The following PPARD variants were observed in gnomAD, a reference collection of about 807,000 sequenced individuals.
The protein encoded by PPARD is peroxisome proliferator-activated receptor delta.
Under a neutral mutation model 39.5 loss-of-function variants are expected in PPARD, and 6 were observed. That is an observed-to-expected ratio of 0.15 (90% CI 0.08 to 0.30). The LOEUF (loss-of-function observed/expected upper bound fraction) is 0.30, where lower values mean the gene tolerates loss of function less well. Among genes scored for constraint, PPARD ranks in the 10% least tolerant of loss-of-function variants. The probability of loss-of-function intolerance (pLI) is 1.00; values close to 1 mark genes in which losing one functional copy is unlikely to be tolerated. For missense variants in PPARD, 397 were observed against 596.8 expected, an observed-to-expected ratio of 0.67 and a Z score of 3.49; for synonymous variants, 210 against 231.3, an observed-to-expected ratio of 0.91 and a Z score of 0.83.
rs566620306 is a variant in PPARD at position 35,401,686 on chromosome 6, C to T, written c.-101-9301C>T. Among the ~76,000 whole-genome samples, 1 of 152,340 alleles carries T rather than the reference C, an allele frequency of 6.6e-6. No homozygotes were observed. The highest frequency in any genetic ancestry group is 2.1e-4 in the South Asian group (1 of 4,832). On this transcript the variant is annotated intron_variant, in intron 2 of 7. Coordinates refer to ENST00000360694, the MANE Select transcript of PPARD (RefSeq NM_006238.5). The surrounding 1 kb of genome is among the most constrained non-coding windows in gnomAD (Gnocchi z 4.1). ...CTCAGGAAAGCGTCTCCTGGCCACT[C>T]GCACCTGACTCATGTGCTCTGAGTG...
At chr6:35,389,256 G>A (rs2150657552) in intron 2 of PPARD, among the ~76,000 whole-genome samples, 1 of 152,260 alleles carries the variant, frequency 6.6e-6, no homozygotes, top group East Asian at 1.9e-4. Context: ...GTAGGGTGCT[G>A]GAAATGTTTA....
intron 2 of PPARD, among the ~76,000 whole-genome samples, chr6:35,408,338 G>T (rs528076181): frequency 6.6e-6 from 1 of 152,196 alleles, no homozygotes; most frequent in Non-Finnish European, 1.5e-5. Flanking sequence ...GAGTGTTTAG[G>T]TAGGCACAGA....
chr6:35,401,714 A>G lies in PPARD; in HGVS notation c.-101-9273A>G, dbSNP rs2267665. On this transcript the variant is annotated intron_variant, in intron 2 of 7. Coordinates refer to ENST00000360694, the MANE Select transcript of PPARD (RefSeq NM_006238.5). The surrounding 1 kb of genome is among the most constrained non-coding windows in gnomAD (Gnocchi z 4.1). ...ACCTGACTCATGTGCTCTGAGTGCC[A>G]CACCTTGCTTGGCATTTGTCCTTCA... 0.85 allele frequency among the ~76,000 whole-genome samples: 129,609 copies of G among 152,228 alleles called. 55,320 individuals are homozygous for G. Among genetic ancestry groups the G allele is most frequent in the African/African-American group, 0.89 (37,052 of 41,542 alleles).
chr6:35,384,801 C>A (rs1206711606), intron 2 of PPARD, among the ~76,000 whole-genome samples: 2 of 52,768 alleles, frequency 3.8e-5, no homozygotes. Context: ...GGGTCAGGCC[C>A]CGCCCGGCCA....
chr6:35,397,265 C>T (rs1472961767), intron 2 of PPARD, among the ~76,000 whole-genome samples: 1 of 150,414 alleles, frequency 6.6e-6, no homozygotes, highest in Admixed American at 6.7e-5. Context: ...ATCTGCTCAG[C>T]AAGAGGATTG....
At chr6:35,342,991 G>A (rs1480378291) in intron 1 of PPARD, among the ~76,000 whole-genome samples, 1 of 152,030 alleles carries the variant, frequency 6.6e-6, no homozygotes, top group African/African-American at 2.4e-5. Flanking sequence ...CTTGGGCCTG[G>A]TGGCTTCGTC....
In PPARD at chr6:35,411,174, C is replaced by A; in HGVS notation, c.87C>A (p.Leu29=). The change falls in exon 3 of 8, where the codon CTC becomes CTA. Residue 29 remains leucine, a synonymous_variant. Transcript: ENST00000360694. The part of the protein sequence containing the change: ...EVAEAEGAPE[L]NGGPQHALPS... ...CAGAGGCAGAAGGAGCCCCAGAGCT[C>A]AATGGGGGACCACAGCATGCACTTC... 1 of 1,571,930 alleles carries A rather than the reference C, an allele frequency of 6.4e-7. No homozygotes were observed. Among genetic ancestry groups the A allele is most frequent in the Non-Finnish European group, 8.6e-7 (1 of 1,157,612 alleles).
Position 35,379,206 on chromosome 6 carries a change from C to T in PPARD, c.-101-31781C>T, listed in dbSNP as rs148059165. On this transcript the variant is annotated intron_variant, in intron 2 of 7. Transcript: ENST00000360694. ...GCAACCTACGCCTCCTGGTTTCAAG[C>T]GATTCTCCTGCCTCAGCCTCCCGAG... is the stretch of plus-strand genomic sequence containing the variant. Among the ~76,000 whole-genome samples the T allele has an allele frequency of 1.2e-3, 177 of 151,564 alleles. No homozygotes were observed. The East Asian group carries it at 0.015, about 13-fold the overall frequency.
chr6:35,394,430 A>G (rs897148377), intron 2 of PPARD, among the ~76,000 whole-genome samples: 1 of 152,170 alleles, frequency 6.6e-6, no homozygotes, highest in Non-Finnish European at 1.5e-5. Context: ...TTTTTAAAAA[A>G]CTTGCTTACT....
chr6:35,419,947 C>G (rs1191009408), intron 3 of PPARD, among the ~76,000 whole-genome samples, 180 bp from the exon 4 acceptor site: 1 of 152,198 alleles, frequency 6.6e-6, no homozygotes, highest in African/African-American at 2.4e-5. Flanking sequence ...TTTTGCCCAT[C>G]CTCCCAGAGA....
At chr6:35,413,387 G>C (rs1248581934) in intron 3 of PPARD, among the ~76,000 whole-genome samples, 1 of 152,206 alleles carries the variant, frequency 6.6e-6, no homozygotes, top group Non-Finnish European at 1.5e-5. Context: ...TCCTTGTTCA[G>C]TCATTGAAAC....
rs755381306 is a variant in PPARD, at chr6:35,424,706, T to G, written c.1005T>G (p.Ala335=). The change falls in exon 7 of 8, where the codon GCT becomes GCG. Residue 335 remains alanine, a synonymous_variant. Coordinates refer to ENST00000360694, the MANE Select transcript of PPARD (RefSeq NM_006238.5). The surrounding 1 kb of genome is among the most constrained non-coding windows in gnomAD (Gnocchi z 7.1). ...TCATTGAGCCTAAGTTTGAATTTGCTGTCAAGTTCAACGCCCTGGAACTTG... is the reference window on the plus strand; with the variant it reads ...TCATTGAGCCTAAGTTTGAATTTGCGGTCAAGTTCAACGCCCTGGAACTTG... ...SDIIEPKFEF[A]VKFNALELDD... 3.7e-6 allele frequency: 6 copies of G among 1,614,260 alleles called. No homozygotes were observed. Among genetic ancestry groups the G allele is most frequent in the Admixed American group, 1.7e-5 (1 of 60,028 alleles).
rs141735687 is a variant in PPARD, at chr6:35,379,252, C to T, written c.-101-31735C>T. On this transcript the variant is annotated intron_variant, in intron 2 of 7. Coordinates refer to ENST00000360694, the MANE Select transcript of PPARD (RefSeq NM_006238.5). ...CCGAGTAGCTGGGGTTACAGGCATC[C>T]GCCACCACGCTCGGCTAATTTTTGT... Among the ~76,000 whole-genome samples the T allele has an allele frequency of 2.0e-3, 302 of 152,074 alleles. 1 individual carries two copies. The highest frequency in any genetic ancestry group is 6.8e-3 in the African/African-American group (283 of 41,500).
intron 2 of PPARD, among the ~76,000 whole-genome samples, chr6:35,384,435 T>TG (rs1763431246): frequency 1.3e-5 from 1 of 76,320 alleles, no homozygotes; most frequent in Admixed American, 1.3e-4. Context: ...GGGAGGGAGG[T>TG]GGCGGGGTCA....
chr6:35,388,502 A>G (rs1157733555), intron 2 of PPARD, among the ~76,000 whole-genome samples: 2 of 152,114 alleles, frequency 1.3e-5, no homozygotes, highest in Non-Finnish European at 2.9e-5. Context: ...ACTTGAGGTC[A>G]GGAGTTTGAG....
intron 2 of PPARD, 101 bp from the exon 3 acceptor site, chr6:35,410,886 A>T (rs574164981): frequency 9.4e-5 from 116 of 1,229,808 alleles, no homozygotes; most frequent in African/African-American, 7.0e-4. Context: ...GGAGCAGAAG[A>T]ACCCCCTCCA....
At chr6:35,408,937 C>G (rs1256785224) in intron 2 of PPARD, among the ~76,000 whole-genome samples, 1 of 152,048 alleles carries the variant, frequency 6.6e-6, no homozygotes, top group Non-Finnish European at 1.5e-5. Flanking sequence ...TTTTCTGCCA[C>G]TGCCCCCTTT....
chr6:35,399,581 G>A (rs1261614039), intron 2 of PPARD, among the ~76,000 whole-genome samples: 2 of 151,994 alleles, frequency 1.3e-5, no homozygotes, highest in Non-Finnish European at 2.9e-5. Flanking sequence ...TGGGTGTGGT[G>A]GCATGAATCT....
intron 2 of PPARD, among the ~76,000 whole-genome samples, chr6:35,378,632 AT>A (rs975663127): frequency 6.6e-6 from 1 of 152,192 alleles, no homozygotes; most frequent in African/African-American, 2.4e-5. Flanking sequence ...AGAATCTTTA[AT>A]TTTAGAATAA....
Sources: gnomAD v4.1 joint callset for allele counts (sites outside exome capture counted in the v4.1 genomes callset) on GRCh38, gnomAD v4.1.1 for gene constraint, Gnocchi (gnomAD v3.1) non-coding constraint, MANE v1.5 for transcripts, NCBI Gene and HGNC (gene_info 2026-07-23, HGNC 2026-07-21) for gene names.